NYAP2: variants seen among roughly 807,000 people sequenced by gnomAD.
NYAP2 encodes neuronal tyrosine-phosphorylated phosphoinositide-3-kinase adaptor 2.
In NYAP2, 23 loss-of-function variants were observed where a neutral mutation model predicts 50.4. The ratio of observed to expected loss-of-function variants is 0.46; its 90% CI spans 0.33 to 0.65. The LOEUF (loss-of-function observed/expected upper bound fraction) is 0.65, where lower values mean the gene tolerates loss of function less well. Among genes scored for constraint, NYAP2 ranks in the 30% least tolerant of loss-of-function variants. NYAP2 has a pLI of 0.02. For missense variants in NYAP2, 885 were observed against 861.0 expected, an observed-to-expected ratio of 1.03 and a Z score of -0.35; for synonymous variants, 394 against 365.2, an observed-to-expected ratio of 1.08 and a Z score of -0.90.
chr2:225,509,261 C>A (rs1690767513), intron 3 of NYAP2, among the ~76,000 whole-genome samples: 1 of 152,158 alleles, frequency 6.6e-6, no homozygotes, highest in South Asian at 2.1e-4. Flanking sequence ...TTCAAAGTCA[C>A]ATTTGGCCAA....
chr2:225,656,207 T>G (rs1260164708), downstream of NYAP2, among the ~76,000 whole-genome samples: 1 of 152,072 alleles, frequency 6.6e-6, no homozygotes, highest in East Asian at 1.9e-4. Flanking sequence ...TTTAGAAACC[T>G]ACACAGAGTG....
At chr2:225,608,242 T>C (rs372407256) in intron 5 of NYAP2, among the ~76,000 whole-genome samples, 2 of 152,168 alleles carry the variant, frequency 1.3e-5, no homozygotes, top group South Asian at 4.1e-4. Context: ...GTCTGTACAA[T>C]ACGTTGAAAA....
At chr2:225,657,565 ATTTTGC>A (rs1272288278), downstream of NYAP2, among the ~76,000 whole-genome samples, 2 of 150,476 alleles carry the variant, frequency 1.3e-5, no homozygotes, top group Non-Finnish European at 2.9e-5. Context: ...ATCTCTTTCA[ATTTTGC>A]TGTGAACCTA....
chr2:225,688,095 G>C, the NYAP2 span, among the ~76,000 whole-genome samples: 1 of 152,114 alleles, frequency 6.6e-6, no homozygotes, highest in Non-Finnish European at 1.5e-5. Context: ...AAGGCTTAGG[G>C]AGCATTGATT....
chr2:225,424,556 C>T (rs543071937), intron 3 of NYAP2, among the ~76,000 whole-genome samples: 1 of 152,016 alleles, frequency 6.6e-6, no homozygotes, highest in East Asian at 1.9e-4. Flanking sequence ...AATATCTTCA[C>T]TATAAATGCC....
At chr2:225,553,015 G>A (rs1330395888) in intron 4 of NYAP2, among the ~76,000 whole-genome samples, 1 of 152,136 alleles carries the variant, frequency 6.6e-6, no homozygotes, top group African/African-American at 2.4e-5. Flanking sequence ...CAGCCACCAA[G>A]GCTATGGTAC....
chr2:225,665,823 A>AAAAAC, the NYAP2 span, among the ~76,000 whole-genome samples: 3 of 145,902 alleles, frequency 2.1e-5, no homozygotes, highest in Non-Finnish European at 4.5e-5. Context: ...AAAAAAAAAA[A>AAAAAC]AAAAAAAAAA....
chr2:225,459,074 G>C (rs966502595), intron 3 of NYAP2, among the ~76,000 whole-genome samples: 1 of 152,174 alleles, frequency 6.6e-6, no homozygotes, highest in African/African-American at 2.4e-5. Flanking sequence ...CAAAGAGTGA[G>C]AAATATTCAT....
rs1436969236 is a variant in NYAP2 at position 225,518,573 on chromosome 2, C to T, written c.523+4901C>T. On this transcript the variant is annotated intron_variant, in intron 4 of 6. Transcript: ENST00000636099. Reference sequence around the variant, plus strand: ...ATATATATATATATATATATATTAGCGTGTGCGCTTATATATATATATATA... The same window carrying T: ...ATATATATATATATATATATATTAGTGTGTGCGCTTATATATATATATATA... Among the ~76,000 whole-genome samples, 18 of 10,394 alleles carry T rather than the reference C, an allele frequency of 1.7e-3. 4 individuals are homozygous for T. The highest frequency in any genetic ancestry group is 3.0e-3 in the Non-Finnish European group (15 of 4,944). The allele number at this position is 10,394 out of a possible 152,430, so 6.8% of individuals were successfully genotyped here.
At chr2:225,686,055 C>T in the NYAP2 span, among the ~76,000 whole-genome samples, 1 of 152,086 alleles carries the variant, frequency 6.6e-6, no homozygotes, top group African/African-American at 2.4e-5. Flanking sequence ...GCTCTGTATA[C>T]ATGCATAAAG....
chr2:225,518,235 T>C (rs12466468), intron 4 of NYAP2, among the ~76,000 whole-genome samples: 45,901 of 151,534 alleles, frequency 0.3, 7,122 homozygotes, highest in South Asian at 0.48. Flanking sequence ...GAAGACATTA[T>C]GTAAAATGAA....
chr2:225,463,516 G>C (rs1225511701), intron 3 of NYAP2, among the ~76,000 whole-genome samples: 1 of 152,078 alleles, frequency 6.6e-6, no homozygotes, highest in Non-Finnish European at 1.5e-5. Context: ...AATACTTCAG[G>C]GCAGGGGAAC....
At chr2:225,435,362 C>T (rs1034556517) in intron 3 of NYAP2, among the ~76,000 whole-genome samples, 3 of 152,076 alleles carry the variant, frequency 2.0e-5, no homozygotes, top group Non-Finnish European at 2.9e-5. Flanking sequence ...CAACTGTGCC[C>T]GTGTTATAAA....
Position 225,582,445 on chromosome 2 carries a change from C to T in NYAP2, c.1028C>T (p.Pro343Leu). 6.4e-7 allele frequency: 1 copy of T among 1,566,348 alleles called. No individual in the cohort carries two copies. The stretch of plus-strand genomic sequence containing the variant: ...CCGCTGCTGGTATTTCCCCCCGCCC[C>T]CGTGCATTGCTCCCCCAACTCCGAC... Residue 343 changes from proline to leucine, a missense_variant, in exon 5 of 7, where the codon CCC (proline) becomes CTC (leucine). Coordinates refer to ENST00000636099, the Ensembl canonical transcript of NYAP2. This position sits in a 1 kb window ranked among gnomAD's most constrained non-coding sequence, Gnocchi z 7.0.
chr2:225,526,970 T>G (rs1691162270), intron 4 of NYAP2, among the ~76,000 whole-genome samples: 1 of 152,120 alleles, frequency 6.6e-6, no homozygotes, highest in Admixed American at 6.6e-5. Context: ...GAGATGGAGT[T>G]GCGCATCTAC....
intron 6 of NYAP2, among the ~76,000 whole-genome samples, chr2:225,631,294 C>A (rs1186348962): frequency 6.6e-6 from 1 of 152,160 alleles, no homozygotes; most frequent in African/African-American, 2.4e-5. Flanking sequence ...CATATCAAAA[C>A]CCCAAAGCAT....
intron 6 of NYAP2, among the ~76,000 whole-genome samples, chr2:225,636,295 TA>T (rs1389144204): frequency 6.6e-6 from 1 of 152,192 alleles, no homozygotes; most frequent in Non-Finnish European, 1.5e-5. Flanking sequence ...GGAGTGTGGA[TA>T]AAAACTTTGC....
intron 3 of NYAP2, among the ~76,000 whole-genome samples, chr2:225,438,884 G>A (rs16866611): frequency 0.017 from 2,559 of 152,280 alleles, 59 homozygotes; most frequent in African/African-American, 0.058. Flanking sequence ...GAGTTTTCAA[G>A]GTCAAAGGAA....
chr2:225,599,174 T>A (rs976166955), intron 5 of NYAP2, among the ~76,000 whole-genome samples: 3 of 152,176 alleles, frequency 2.0e-5, no homozygotes, highest in Non-Finnish European at 4.4e-5. Flanking sequence ...CCGAGTTATA[T>A]GCCCAGGGGA....
Sources: gnomAD v4.1 joint callset for allele counts (sites outside exome capture counted in the v4.1 genomes callset) on GRCh38, gnomAD v4.1.1 for gene constraint, Gnocchi (gnomAD v3.1) non-coding constraint, MANE v1.5 for transcripts, NCBI Gene and HGNC (gene_info 2026-07-23, HGNC 2026-07-21) for gene names.